Variants in UGT3A1 observed in about 807,000 individuals in gnomAD.
UGT3A1 encodes the protein UDP-glycosyltransferase 3A1.
In UGT3A1, 40 loss-of-function variants were observed where a neutral mutation model predicts 37.6. The ratio of observed to expected loss-of-function variants is 1.06; its 90% CI spans 0.83 to 1.38. UGT3A1 has a LOEUF of 1.38. Ranked by LOEUF, UGT3A1 falls within the 40% of genes most tolerant of loss-of-function variation. The pLI is 0.00. For missense variants in UGT3A1, 642 were observed against 634.2 expected, an observed-to-expected ratio of 1.01 and a Z score of -0.13; for synonymous variants, 256 against 232.3, an observed-to-expected ratio of 1.10 and a Z score of -0.93.
At chr5:35,994,333 T>TTTGTGTGTG (rs1368444490), upstream of UGT3A1, among the ~76,000 whole-genome samples, 1 of 138,554 alleles carries the variant, frequency 7.2e-6, no homozygotes, top group South Asian at 2.5e-4. Context: ...TTTGTTTTGT[T>TTTGTGTGTG]TGTGTGTGTG....
At chr5:35,994,143 A>T (rs1741035816), upstream of UGT3A1, among the ~76,000 whole-genome samples, 1 of 152,096 alleles carries the variant, frequency 6.6e-6, no homozygotes, top group Admixed American at 6.5e-5. Flanking sequence ...GACCTCCATC[A>T]CTAGGTAAAG....
In UGT3A1 at chr5:35,951,599, G is replaced by A. The variant is rs1037114937; in HGVS notation, c.*2603C>T. On this transcript the variant is annotated 3_prime_UTR_variant, in exon 7 of 7. Transcript: ENST00000274278. ...GTTCTTAGTTTATCAGAAATATTAG[G>A]TCTATGTGTAAGATATATGCTGCAG... 2 of 152,110 alleles carry A rather than the reference G, an allele frequency of 1.3e-5. No individual in the cohort carries two copies. The highest frequency in any genetic ancestry group is 1.3e-4 in the Admixed American group (2 of 15,280). The allele number at this position is 152,110 out of a possible 1,614,324, so 9.4% of individuals were successfully genotyped here. A position where few individuals can be genotyped will look rare whatever the true frequency, so the allele number is the denominator to read the frequency against.
intron 2 of UGT3A1, among the ~76,000 whole-genome samples, chr5:35,982,742 T>C (rs1740577574): frequency 6.6e-6 from 1 of 152,174 alleles, no homozygotes; most frequent in Non-Finnish European, 1.5e-5. Context: ...AAGAAGGACA[T>C]GAGATTTGGA....
At chr5:35,963,771 G>A (rs931477095) in intron 4 of UGT3A1, among the ~76,000 whole-genome samples, 32 of 152,200 alleles carry the variant, frequency 2.1e-4, no homozygotes. Flanking sequence ...TGGCTGTTGG[G>A]CATGGCTTGT....
intron 3 of UGT3A1, among the ~76,000 whole-genome samples, chr5:35,967,742 G>A (rs761733893): frequency 5.9e-5 from 9 of 152,078 alleles, no homozygotes; most frequent in East Asian, 3.9e-4. Context: ...GAACCCTTAC[G>A]GTAGAAGAAG....
chr5:35,963,344 T>C (rs1044077368), intron 4 of UGT3A1, among the ~76,000 whole-genome samples: 1 of 152,142 alleles, frequency 6.6e-6, no homozygotes, highest in Non-Finnish European at 1.5e-5. Flanking sequence ...TTTTCCTTTC[T>C]AGGCCCTCAG....
chr5:35,965,928 G>A lies in UGT3A1; in HGVS notation c.312-11C>T. ...GCTTCAGATTCTTTTCTGTAATAAA[G>A]AAAATAAATAATAAATATTTGGGAA... On this transcript the variant is annotated splice_polypyrimidine_tract_variant and intron_variant, in intron 3 of 6. Coordinates refer to ENST00000274278, the MANE Select transcript of UGT3A1 (RefSeq NM_152404.4). The A allele has an allele frequency of 1.3e-6, 2 of 1,495,044 alleles. No homozygotes were observed. The highest frequency in any genetic ancestry group is 8.9e-7 in the Non-Finnish European group (1 of 1,123,258). The allele number at this position is 1,495,044 out of a possible 1,614,324, so 92.6% of individuals were successfully genotyped here.
chr5:35,994,889 T>C (rs147782222), upstream of UGT3A1, among the ~76,000 whole-genome samples: 406 of 152,272 alleles, frequency 2.7e-3, 1 homozygote, highest in African/African-American at 9.3e-3. Context: ...CATGCAAATA[T>C]TTAACCAAGT....
At position 35,965,344 on chromosome 5, in the gene UGT3A1, ACT is replaced by A; in HGVS notation, c.843+40_843+41del. On this transcript the variant is annotated intron_variant, in intron 4 of 6. Coordinates refer to ENST00000274278, the MANE Select transcript of UGT3A1 (RefSeq NM_152404.4). ...GCAGCCACCAACTATGCACCCAAGG[ACT>A]CTATGTGAATCCCAAACTGAATGCT... 3 of 1,592,170 alleles carry A rather than the reference ACT, an allele frequency of 1.9e-6. 1 individual carries two copies. The highest frequency in any genetic ancestry group is 2.3e-5 in the South Asian group (2 of 86,672).
rs747293500 is a variant in UGT3A1, at chr5:35,968,146, C to A, written c.197-13G>T. 3 of 1,532,802 alleles carry A rather than the reference C, an allele frequency of 2.0e-6. No individual in the cohort carries two copies. Among genetic ancestry groups the A allele is most frequent in the Non-Finnish European group, 2.7e-6 (3 of 1,110,360 alleles). The allele number at this position is 1,532,802 out of a possible 1,614,324, so 95.0% of individuals were successfully genotyped here. ...TCCTCTTTAATATCTAAGAAAACAC[C>A]AATTGGTTAAAAAGGTAAATATATC... On this transcript the variant is annotated splice_polypyrimidine_tract_variant and intron_variant, in intron 2 of 6. Transcript: ENST00000274278.
Position 36,000,204 on chromosome 5 carries a change from G to A in UGT3A1, c.-160+764C>T, listed in dbSNP as rs138086219. 4.2e-3 allele frequency among the ~76,000 whole-genome samples: 641 copies of A among 152,248 alleles called. 5 individuals carry two copies. Among genetic ancestry groups the A allele is most frequent in the African/African-American group, 0.014 (596 of 41,518 alleles). ...CCACCACTTTCGGTAAACATTAACT[G>A]TCCCCTTATGAAATTAGAACAGGAA... is the stretch of plus-strand genomic sequence containing the variant. On this transcript the variant is annotated intron_variant, in intron 1 of 5. Transcript: ENST00000625798.
intron 1 of UGT3A1, 26 bp downstream of exon 1, chr5:35,991,121 T>C (rs1462634007): frequency 6.2e-7 from 1 of 1,614,150 alleles, no homozygotes; most frequent in South Asian, 1.1e-5. Flanking sequence ...CGCGCCTGTC[T>C]GGGAATTCTC....
At chr5:35,981,176 G>C (rs558409532) in intron 2 of UGT3A1, among the ~76,000 whole-genome samples, 1 of 152,230 alleles carries the variant, frequency 6.6e-6, no homozygotes, top group Non-Finnish European at 1.5e-5. Context: ...AAGAAAGAAA[G>C]AAAGAAAAAG....
At chr5:35,957,642 C>T (rs917893660) in intron 4 of UGT3A1, among the ~76,000 whole-genome samples, 1 of 152,054 alleles carries the variant, frequency 6.6e-6, no homozygotes, top group African/African-American at 2.4e-5. Flanking sequence ...CCTGAGGACA[C>T]GTTTTTGCAT....
At position 35,965,771 on chromosome 5, in the gene UGT3A1, A is replaced by G. The variant is rs547246801; in HGVS notation, c.458T>C (p.Leu153Pro). ...TGGTTTCACAAGCTTCTCAGCAATC[A>G]GGAAAGAACAGAAATCAAATGCTTC... ...FVEAFDFCSFLIAEKLVKPFV... is the reference protein window; with the variant it reads ...FVEAFDFCSFPIAEKLVKPFV... Residue 153 changes from leucine to proline, a missense_variant, in exon 4 of 7, where the codon CTG (leucine) becomes CCG (proline). Transcript: ENST00000274278. 19 of 1,614,226 alleles carry G rather than the reference A, an allele frequency of 1.2e-5. No individual in the cohort carries two copies. In the South Asian group the frequency reaches 2.0e-4, roughly 17 times the overall value.
At chr5:36,000,408 T>A (rs1372450002) in intron 1 of UGT3A1, among the ~76,000 whole-genome samples, 1 of 152,244 alleles carries the variant, frequency 6.6e-6, no homozygotes, top group African/African-American at 2.4e-5. Flanking sequence ...CCAGAGATTT[T>A]GTCTATTGGA....
intron 2 of UGT3A1, among the ~76,000 whole-genome samples, chr5:35,969,761 G>C (rs988330642): frequency 7.2e-5 from 11 of 152,094 alleles, no homozygotes; most frequent in African/African-American, 2.7e-4. Context: ...TTGGGCAAAA[G>C]TTACAGGTAT....
In UGT3A1 at chr5:35,991,289, C is replaced by T; in HGVS notation, c.-49G>A. 1 of 1,611,640 alleles carries T rather than the reference C, an allele frequency of 6.2e-7. No individual in the cohort carries two copies. Among genetic ancestry groups the T allele is most frequent in the Non-Finnish European group, 8.5e-7 (1 of 1,178,640 alleles). ...ATCTCAGCCTGGGCTGCGCGCCCTG[C>T]GCCGGGCTAAGGACTCTGTGCGCGC... is the stretch of plus-strand genomic sequence containing the variant. On this transcript the variant is annotated 5_prime_UTR_variant, in exon 1 of 7. Transcript: ENST00000274278.
rs1204539791 is a variant in UGT3A1, at chr5:35,953,130, C to T, written c.*1072G>A. ...ATTACAGTGGAATTTCATTTTATTTCAGAACTCTAAAGCAAATAAAAAGGT... is the reference window on the plus strand; with the variant it reads ...ATTACAGTGGAATTTCATTTTATTTTAGAACTCTAAAGCAAATAAAAAGGT... On this transcript the variant is annotated 3_prime_UTR_variant, in exon 7 of 7. Coordinates refer to ENST00000274278, the MANE Select transcript of UGT3A1 (RefSeq NM_152404.4). The T allele has an allele frequency of 2.0e-5, 3 of 152,188 alleles. No homozygotes were observed. In the East Asian group the frequency reaches 5.6e-4, roughly 29 times the overall value. 9.4% of individuals were successfully genotyped at this position (152,188 alleles called of 1,614,324 possible). A position where few individuals can be genotyped will look rare whatever the true frequency, so the allele number is the denominator to read the frequency against.
Sources: gnomAD v4.1 joint callset for allele counts (sites outside exome capture counted in the v4.1 genomes callset) on GRCh38, gnomAD v4.1.1 for gene constraint, MANE v1.5 for transcripts, NCBI Gene and HGNC (gene_info 2026-07-23, HGNC 2026-07-21) for gene names.